The following MAPT variants were observed in gnomAD, a reference collection of about 807,000 sequenced individuals.
The protein encoded by MAPT is microtubule-associated protein tau.
MAPT carries 34 observed loss-of-function variants against 67.9 expected under a neutral mutation model. The ratio of observed to expected loss-of-function variants is 0.50; its 90% confidence interval spans 0.38 to 0.67. The LOEUF is 0.67. MAPT is among the 30% of genes least tolerant of loss of function. The probability of loss-of-function intolerance (pLI) is 0.00; values close to 1 mark genes in which losing one functional copy is unlikely to be tolerated. For missense variants in MAPT, 881 were observed against 1,115.2 expected, an observed-to-expected ratio of 0.79 and a Z score of 2.99; for synonymous variants, 456 against 464.5, an observed-to-expected ratio of 0.98 and a Z score of 0.23.
chr17:46,028,293 T>C lies in MAPT; in HGVS notation c.*4122T>C, dbSNP rs2146263768. ...ACAAATGATTTACACTGACTGTTGC[T>C]GTAAAAGTGAATTTGGAAATAAAGT... On this transcript the variant is annotated 3_prime_UTR_variant, in exon 13 of 13. Transcript: ENST00000262410. 1 of 152,784 alleles carries C rather than the reference T, an allele frequency of 6.5e-6. No homozygotes were observed. Among genetic ancestry groups the C allele is most frequent in the South Asian group, 2.1e-4 (1 of 4,830 alleles). 9.5% of individuals were successfully genotyped at this position (152,784 alleles called of 1,614,324 possible). A position where few individuals can be genotyped will look rare whatever the true frequency, so the allele number is the denominator to read the frequency against.
rs564851031 is a variant in MAPT, at chr17:45,906,976, C to A, written c.-18+12290C>A. ...CTTATGGAAACAATAATGAGTTGTT[C>A]CCTGTTTCAATTCCAAAATTCATAT... On this transcript the variant is annotated intron_variant, in intron 1 of 12. Transcript: ENST00000262410. The surrounding 1 kb of genome is among the most constrained non-coding windows in gnomAD (Gnocchi z 4.3). Among the ~76,000 whole-genome samples the A allele has an allele frequency of 5.9e-5, 9 of 152,266 alleles. No individual in the cohort carries two copies. The South Asian group carries it at 1.9e-3, about 32-fold the overall frequency.
intron 6 of MAPT, 145 bp from the exon 7 acceptor site, chr17:45,989,733 A>C (rs185643754): frequency 5.7e-4 from 413 of 719,898 alleles, no homozygotes; most frequent in Non-Finnish European, 5.9e-4. Flanking sequence ...AGGGATATTA[A>C]GGGTACCTGA....
intron 4 of MAPT, 48 bp downstream of exon 4, chr17:45,978,488 G>GGGGGGGGC: frequency 3.3e-6 from 3 of 914,096 alleles, no homozygotes; most frequent in Non-Finnish European, 5.3e-6. Flanking sequence ...TGGGGGGAGG[G>GGGGGGGGC]ACATGGGGTG....
chr17:45,956,634 A>C (rs907734033), intron 1 of MAPT, among the ~76,000 whole-genome samples: 4 of 149,478 alleles, frequency 2.7e-5, no homozygotes, highest in African/African-American at 9.9e-5. Flanking sequence ...TCTAGGGTAC[A>C]TGTGCACAAC....
intron 1 of MAPT, among the ~76,000 whole-genome samples, chr17:45,911,324 A>T (rs2064773058): frequency 6.6e-6 from 1 of 152,236 alleles, no homozygotes; most frequent in African/African-American, 2.4e-5. Flanking sequence ...GGTGAGTTCA[A>T]TATTGACTAC....
chr17:45,996,303 G>A lies in MAPT; in HGVS notation c.1733-96G>A, dbSNP rs2074462969. ...GCTTCCACCTGCCTAACCCAGTGGTGAGCCTGGGAATGGACCCACGGGACA... is the reference window on the plus strand; with the variant it reads ...GCTTCCACCTGCCTAACCCAGTGGTAAGCCTGGGAATGGACCCACGGGACA... On this transcript the variant is annotated intron_variant, in intron 8 of 12. Coordinates refer to ENST00000262410, the MANE Select transcript of MAPT (RefSeq NM_001377265.1). The surrounding 1 kb of genome is among the most constrained non-coding windows in gnomAD (Gnocchi z 4.5). 1.4e-6 allele frequency: 2 copies of A among 1,388,406 alleles called. No individual in the cohort carries two copies. Among genetic ancestry groups the A allele is most frequent in the African/African-American group, 1.4e-5 (1 of 71,098 alleles). The allele number at this position is 1,388,406 out of a possible 1,614,324, so 86.0% of individuals were successfully genotyped here. A position where few individuals can be genotyped will look rare whatever the true frequency, so the allele number is the denominator to read the frequency against.
At chr17:45,899,214 T>G (rs2063468632) in intron 1 of MAPT, among the ~76,000 whole-genome samples, 1 of 152,098 alleles carries the variant, frequency 6.6e-6, no homozygotes, top group Non-Finnish European at 1.5e-5. Flanking sequence ...TTTTCACAAC[T>G]CGGGGAGGGT....
rs1195804704 is a variant in MAPT, at chr17:45,941,717, T to TCCTGCCTTCCTTCCTTCCTG, written c.-17-20601_-17-20600insGCCTTCCTTCCTTCCTGCCT. Among the ~76,000 whole-genome samples the TCCTGCCTTCCTTCCTTCCTG allele has an allele frequency of 2.0e-3, 179 of 88,414 alleles. 37 individuals carry two copies. The East Asian group carries it at 0.021, about 10-fold the overall frequency. The allele number at this position is 88,414 out of a possible 152,430, so 58.0% of individuals were successfully genotyped here. ...TTCCTTCCTGCCTGCCTTCCTTCCT[T>TCCTGCCTTCCTTCCTTCCTG]CCTTCCTTCCTTCCTTCCTTCCTTC... On this transcript the variant is annotated intron_variant, in intron 1 of 12. Coordinates refer to ENST00000262410, the MANE Select transcript of MAPT (RefSeq NM_001377265.1).
intron 1 of MAPT, among the ~76,000 whole-genome samples, chr17:45,903,339 G>T (rs551690989): frequency 6.6e-6 from 1 of 152,132 alleles, no homozygotes; most frequent in African/African-American, 2.4e-5. Flanking sequence ...GTTCTTAATT[G>T]AACAGTGGCA....
rs2074512344 is a variant in MAPT, at chr17:45,996,752, G to A, written c.1998+88G>A. ...CTGGAAGGGTAGGGCTGCGCCTGGAGGTGCGCGGTTGAGCGTGGAGTCGTG... is the reference window on the plus strand; with the variant it reads ...CTGGAAGGGTAGGGCTGCGCCTGGAAGTGCGCGGTTGAGCGTGGAGTCGTG... On this transcript the variant is annotated intron_variant, in intron 9 of 12. Coordinates refer to ENST00000262410, the MANE Select transcript of MAPT (RefSeq NM_001377265.1). The surrounding 1 kb of genome is among the most constrained non-coding windows in gnomAD (Gnocchi z 4.5). The A allele has an allele frequency of 2.6e-6, 4 of 1,549,514 alleles. No individual in the cohort carries two copies. Among genetic ancestry groups the A allele is most frequent in the Non-Finnish European group, 3.5e-6 (4 of 1,145,678 alleles).
chr17:45,993,275 G>A (rs1348479120), intron 8 of MAPT, among the ~76,000 whole-genome samples: 2 of 152,194 alleles, frequency 1.3e-5, no homozygotes, highest in Non-Finnish European at 2.9e-5. Context: ...TTTTCGCTTC[G>A]TGTTTTCTGG....
At chr17:45,919,364 C>T (rs1420069510) in intron 1 of MAPT, among the ~76,000 whole-genome samples, 1 of 152,198 alleles carries the variant, frequency 6.6e-6, no homozygotes, top group Non-Finnish European at 1.5e-5. Context: ...CCCCCGCCTG[C>T]CCTCCTCCCT....
chr17:45,948,326 G>T (rs1350914615), intron 1 of MAPT, among the ~76,000 whole-genome samples: 2 of 152,082 alleles, frequency 1.3e-5, no homozygotes, highest in Non-Finnish European at 2.9e-5. Flanking sequence ...TTTTCCTTTA[G>T]TTGCACTCGC....
intron 1 of MAPT, among the ~76,000 whole-genome samples, chr17:45,916,197 G>C (rs2065195033): frequency 6.6e-6 from 1 of 152,204 alleles, no homozygotes; most frequent in Non-Finnish European, 1.5e-5. Flanking sequence ...GGCATTCCTA[G>C]GTTTCTCTTT....
At chr17:46,014,702 G>A (rs1240065529) in intron 11 of MAPT, among the ~76,000 whole-genome samples, 5 of 152,174 alleles carry the variant, frequency 3.3e-5, no homozygotes, top group East Asian at 1.9e-4. Context: ...GTGAAACCCC[G>A]TCTCTACTAA....
intron 12 of MAPT, among the ~76,000 whole-genome samples, chr17:46,020,098 G>C (rs1216683020): frequency 6.6e-6 from 1 of 151,956 alleles, no homozygotes; most frequent in Non-Finnish European, 1.5e-5. Flanking sequence ...TCCCCAGTCA[G>C]CTGTGGCGCA....
chr17:45,936,296 G>C (rs1355227201), intron 1 of MAPT, among the ~76,000 whole-genome samples: 2 of 152,198 alleles, frequency 1.3e-5, no homozygotes, highest in African/African-American at 4.8e-5. Flanking sequence ...CTTCCCAACT[G>C]CTCAGCCAGA....
intron 1 of MAPT, among the ~76,000 whole-genome samples, chr17:45,946,615 A>AAAAAAAAAAAAATATATATAT: frequency 5.0e-5 from 5 of 100,400 alleles, no homozygotes; most frequent in Non-Finnish European, 9.8e-5. Flanking sequence ...AAAAAAAAAA[A>AAAAAAAAAAAAATATATATAT]ATATATATAT....
At chr17:46,023,804 G>A (rs1188235206) in intron 12 of MAPT, 152 bp from the exon 13 acceptor site, 10 of 707,478 alleles carry the variant, frequency 1.4e-5, no homozygotes, top group South Asian at 6.2e-5. Flanking sequence ...TTGTGCCACC[G>A]CACTCTAGCC....
Sources: allele counts gnomAD v4.1 joint callset (sites outside exome capture counted in the v4.1 genomes callset), GRCh38; gene constraint gnomAD v4.1.1; non-coding constraint Gnocchi (gnomAD v3.1); transcripts MANE v1.5; gene names NCBI Gene and HGNC (gene_info 2026-07-23, HGNC 2026-07-21).